DMXL1: variants seen among roughly 807,000 people sequenced by gnomAD.
DMXL1 encodes dmX-like protein 1.
Under a neutral mutation model 319.2 loss-of-function variants are expected in DMXL1, and 99 were observed. That is an observed-to-expected ratio of 0.31 (90% confidence interval 0.26 to 0.37). The LOEUF (loss-of-function observed/expected upper bound fraction) is 0.37, where lower values mean the gene tolerates loss of function less well. Ranked by LOEUF, DMXL1 falls within the 10% of genes least tolerant of loss-of-function variation. The pLI is 1.00. For synonymous variants in DMXL1, 1,385 were observed against 1,235.2 expected, an observed-to-expected ratio of 1.12 and a Z score of -2.54; for missense variants, 3,745 against 3,595.6, an observed-to-expected ratio of 1.04 and a Z score of -1.06.
At chr5:119,162,142 CAAA>C (rs1772412712) in intron 19 of DMXL1, among the ~76,000 whole-genome samples, 5 of 152,170 alleles carry the variant, frequency 3.3e-5, no homozygotes, top group Non-Finnish European at 5.9e-5. Context: ...GTACCGCAAG[CAAA>C]TCAGCTGGGA....
At chr5:119,116,444 A>T in intron 7 of DMXL1, 108 bp downstream of exon 7, 1 of 1,216,236 alleles carries the variant, frequency 8.2e-7, no homozygotes, top group Admixed American at 2.2e-5. Context: ...TTCTGAGCCT[A>T]TGAAGATTAG....
Position 119,171,906 on chromosome 5 carries a change from T to C in DMXL1, c.6618T>C (p.His2206=). ...TATTGCACCTTAGTAATCTGACACA[T>C]GATATTCTCCATGCCATAATAAACT... is the stretch of plus-strand genomic sequence containing the variant. The part of the protein sequence containing the change: ...NPLLHLSNLT[H]DILHAIINFD... The change falls in exon 25 of 44, where the codon CAT becomes CAC. Residue 2206 remains histidine, a synonymous_variant. Transcript: ENST00000539542. 6.2e-7 allele frequency: 1 copy of C among 1,613,890 alleles called. No homozygotes were observed. The highest frequency in any genetic ancestry group is 8.5e-7 in the Non-Finnish European group (1 of 1,179,866).
chr5:119,099,526 C>T (rs1356540536), intron 2 of DMXL1, among the ~76,000 whole-genome samples: 1 of 152,094 alleles, frequency 6.6e-6, no homozygotes, highest in Non-Finnish European at 1.5e-5. Context: ...TTTTTATTTT[C>T]ATTCTCTTCA....
At position 119,165,298 on chromosome 5, in the gene DMXL1, A is replaced by G; in HGVS notation, c.4970+18A>G. ...TTATATAGGTAGGTAAAAAAAAAAA[A>G]AAAAAAGGGTGCTTCAATGTGAAAA... On this transcript the variant is annotated intron_variant, in intron 21 of 43. Transcript: ENST00000539542. The G allele has an allele frequency of 1.4e-6, 2 of 1,381,274 alleles. No individual in the cohort carries two copies. Among genetic ancestry groups the G allele is most frequent in the Non-Finnish European group, 2.0e-6 (2 of 997,842 alleles). 85.6% of individuals were successfully genotyped at this position (1,381,274 alleles called of 1,614,324 possible). A position where few individuals can be genotyped will look rare whatever the true frequency, so the allele number is the denominator to read the frequency against.
At chr5:119,230,986 G>A (rs1221922616) in intron 38 of DMXL1, among the ~76,000 whole-genome samples, 2 of 152,284 alleles carry the variant, frequency 1.3e-5, no homozygotes, top group Admixed American at 6.5e-5. Context: ...ACTATTATTT[G>A]TTGAAGACTT....
intron 40 of DMXL1, 120 bp from the exon 41 acceptor site, chr5:119,238,869 A>G: frequency 6.8e-7 from 1 of 1,464,150 alleles, no homozygotes; most frequent in Admixed American, 2.4e-5. Context: ...CAAAGGAAAA[A>G]AACGATACAG....
Position 119,177,453 on chromosome 5 carries a change from A to C in DMXL1, c.6855A>C (p.Leu2285Phe). 6.2e-7 allele frequency: 1 copy of C among 1,609,822 alleles called. No individual in the cohort carries two copies. Among genetic ancestry groups the C allele is most frequent in the Non-Finnish European group, 8.5e-7 (1 of 1,177,418 alleles). ...SLKTGSLDEA[L>F]TPNTSPAQWP... ...AAACAGGAAGCTTAGATGAAGCATT[A>C]ACTCCCAATACGTCACCAGCTCAAT... Residue 2285 changes from leucine to phenylalanine, a missense_variant, in exon 27 of 44, where the codon TTA (leucine) becomes TTC (phenylalanine). By Grantham distance (22) the Leu-to-Phe change is conservative. This residue lies in a region of DMXL1 where 1,382 missense variants were observed against 1,269.5 expected (regional missense o/e 1.09). Transcript: ENST00000539542.
At chr5:119,237,179 A>G (rs899069147) in intron 39 of DMXL1, 143 bp from the exon 40 acceptor site, 28 of 433,398 alleles carry the variant, frequency 6.5e-5, no homozygotes, top group African/African-American at 5.7e-4. Context: ...TCTGAAATAG[A>G]TCCATGTATA....
intron 13 of DMXL1, among the ~76,000 whole-genome samples, chr5:119,141,502 A>G (rs938351492): frequency 6.6e-6 from 1 of 152,140 alleles, no homozygotes; most frequent in African/African-American, 2.4e-5. Context: ...CCCATTCCCA[A>G]CTGCCACAAA....
intron 9 of DMXL1, among the ~76,000 whole-genome samples, chr5:119,123,444 AG>A (rs1312046939): frequency 2.5e-5 from 3 of 121,438 alleles, no homozygotes; most frequent in African/African-American, 9.7e-5. Context: ...GGAGAGGGAG[AG>A]GAGGGAGAGG....
At chr5:119,078,826 T>A (rs1751564096) in intron 1 of DMXL1, among the ~76,000 whole-genome samples, 1 of 152,354 alleles carries the variant, frequency 6.6e-6, no homozygotes. Flanking sequence ...GAAATCAGAC[T>A]TTAATTCTTG....
At chr5:119,239,789 C>G (rs1203236973) in intron 41 of DMXL1, among the ~76,000 whole-genome samples, 1 of 151,788 alleles carries the variant, frequency 6.6e-6, no homozygotes, top group Non-Finnish European at 1.5e-5. Context: ...AACCCTATCT[C>G]TACTAAAAAT....
At chr5:119,205,622 G>T (rs1276920690) in intron 33 of DMXL1, among the ~76,000 whole-genome samples, 3 of 151,554 alleles carry the variant, frequency 2.0e-5, no homozygotes, top group Non-Finnish European at 2.9e-5. Flanking sequence ...CACAATTAAT[G>T]GTAGTTATTA....
intron 34 of DMXL1, among the ~76,000 whole-genome samples, chr5:119,216,641 C>T (rs1028628586): frequency 1.3e-5 from 2 of 152,118 alleles, no homozygotes; most frequent in Middle Eastern, 6.8e-3. Context: ...TTAACTGTAT[C>T]TCGGGAGGAT....
chr5:119,223,382 G>A (rs1319452578), intron 37 of DMXL1, among the ~76,000 whole-genome samples: 1 of 151,934 alleles, frequency 6.6e-6, no homozygotes, highest in Non-Finnish European at 1.5e-5. Flanking sequence ...TATATGCCCT[G>A]GAATCTAAGC....
intron 1 of DMXL1, among the ~76,000 whole-genome samples, chr5:119,093,473 G>A (rs1755251394): frequency 6.6e-6 from 1 of 152,120 alleles, no homozygotes; most frequent in African/African-American, 2.4e-5. Flanking sequence ...ATGATGATCA[G>A]TGATCTTTGT....
intron 40 of DMXL1, among the ~76,000 whole-genome samples, chr5:119,237,903 A>G (rs930457453): frequency 6.6e-6 from 1 of 152,076 alleles, no homozygotes; most frequent in Non-Finnish European, 1.5e-5. Context: ...TACTGAATTT[A>G]TATTTCATAT....
At chr5:119,164,134 C>A (rs934522176) in intron 19 of DMXL1, among the ~76,000 whole-genome samples, 1 of 151,320 alleles carries the variant, frequency 6.6e-6, no homozygotes, top group African/African-American at 2.4e-5. Flanking sequence ...GAATTACATC[C>A]ACAAAACAAA....
intron 42 of DMXL1, 64 bp from the exon 43 acceptor site, chr5:119,244,294 CA>C: frequency 7.5e-7 from 1 of 1,337,618 alleles, no homozygotes; most frequent in South Asian, 1.4e-5. Flanking sequence ...TCACTTTAGC[CA>C]AAAGCCAGAA....
Sources: allele counts gnomAD v4.1 joint callset (sites outside exome capture counted in the v4.1 genomes callset), GRCh38; gene constraint gnomAD v4.1.1; regional missense constraint gnomAD v4.1.1; transcripts MANE v1.5; gene names NCBI Gene and HGNC (gene_info 2026-07-23, HGNC 2026-07-21).